ZNF827: variants seen among roughly 807,000 people sequenced by gnomAD.
The protein encoded by ZNF827 is zinc finger protein 827.
Under a neutral mutation model 102.4 loss-of-function variants are expected in ZNF827, and 13 were observed. The ratio of observed to expected loss-of-function variants is 0.13; its 90% CI spans 0.08 to 0.20. ZNF827 has a LOEUF of 0.20. Ranked by LOEUF, ZNF827 falls within the 10% of genes least tolerant of loss-of-function variation. The probability of loss-of-function intolerance (pLI) is 1.00; values close to 1 mark genes in which losing one functional copy is unlikely to be tolerated. For synonymous variants in ZNF827, 523 were observed against 536.2 expected (o/e 0.98, Z 0.34); for missense variants, 1,103 against 1,344.4 (o/e 0.82, Z 2.81).
chr4:145,870,195 C>T (rs765094932), intron 5 of ZNF827, 50 bp downstream of exon 5: 1 of 1,566,164 alleles, frequency 6.4e-7, no homozygotes, highest in Non-Finnish European at 8.8e-7. Flanking sequence ...GTCCAGTTGG[C>T]CTGCAAGTGA....
At position 145,884,307 on chromosome 4, in the gene ZNF827, A is replaced by G. The variant is rs572256387; in HGVS notation, c.1747+1371T>C. On this transcript the variant is annotated intron_variant, in intron 4 of 14. Coordinates refer to ENST00000508784, the MANE Select transcript of ZNF827 (RefSeq NM_001306215.2). The stretch of plus-strand genomic sequence containing the variant: ...ATCTGTGGTAAGGGGGACATTCCAA[A>G]AGACCCGACTGAAGTGTCCCTGAGC... 1.5e-4 allele frequency among the ~76,000 whole-genome samples: 23 copies of G among 152,296 alleles called. No individual in the cohort carries two copies. In the South Asian group the frequency reaches 4.6e-3, roughly 30 times the overall value.
At chr4:145,827,884 C>T (rs1002957513) in intron 7 of ZNF827, among the ~76,000 whole-genome samples, 16 of 152,302 alleles carry the variant, frequency 1.1e-4, no homozygotes, top group African/African-American at 3.6e-4. Context: ...AATCATATTC[C>T]GTAAGTTCTT....
chr4:145,907,923 A>G (rs1751996840), intron 1 of ZNF827, among the ~76,000 whole-genome samples: 1 of 152,220 alleles, frequency 6.6e-6, no homozygotes, highest in African/African-American at 2.4e-5. Context: ...CATGTGGCGA[A>G]TATTTCTCCT....
chr4:145,766,867 C>A (rs1420595469), intron 11 of ZNF827, among the ~76,000 whole-genome samples: 1 of 152,078 alleles, frequency 6.6e-6, no homozygotes, highest in Non-Finnish European at 1.5e-5. Context: ...TGGGTTAAAC[C>A]TAGATAAATC....
At chr4:145,861,021 C>T (rs1747674966) in intron 5 of ZNF827, among the ~76,000 whole-genome samples, 1 of 152,208 alleles carries the variant, frequency 6.6e-6, no homozygotes, top group Non-Finnish European at 1.5e-5. Context: ...CGCAGTAGAG[C>T]CCTTGCCCAG....
chr4:145,858,025 A>T (rs553369743), intron 5 of ZNF827, among the ~76,000 whole-genome samples: 1 of 152,310 alleles, frequency 6.6e-6, no homozygotes, highest in African/African-American at 2.4e-5. Flanking sequence ...TAACATTATT[A>T]TCCTTTGCCA....
chr4:145,795,044 A>G (rs1242842485), intron 8 of ZNF827, among the ~76,000 whole-genome samples: 1 of 152,252 alleles, frequency 6.6e-6, no homozygotes, highest in African/African-American at 2.4e-5. Context: ...AGTGGCTGGC[A>G]GACAGCAGGT....
At chr4:145,917,279 C>T (rs114577965) in intron 1 of ZNF827, among the ~76,000 whole-genome samples, 60 of 152,296 alleles carry the variant, frequency 3.9e-4, no homozygotes, top group African/African-American at 1.3e-3. Context: ...AAAACACGCA[C>T]GACCAGATAA....
chr4:145,813,398 G>A (rs1034579729), intron 8 of ZNF827, among the ~76,000 whole-genome samples: 2 of 152,062 alleles, frequency 1.3e-5, no homozygotes, highest in East Asian at 3.8e-4. Context: ...ATCTCTTGCT[G>A]TGCCTAATTT....
intron 8 of ZNF827, among the ~76,000 whole-genome samples, chr4:145,800,002 C>CT (rs900381595): frequency 1.5e-4 from 19 of 127,994 alleles, no homozygotes; most frequent in Admixed American, 5.5e-4. Context: ...CTATTTTGGC[C>CT]TTTTTTTTAC....
At chr4:145,930,854 C>T (rs114118905) in intron 1 of ZNF827, among the ~76,000 whole-genome samples, 3,159 of 151,824 alleles carry the variant, frequency 0.021, 90 homozygotes, top group African/African-American at 0.073. Flanking sequence ...TGTGTGTGTG[C>T]GCGCGCATGT....
At chr4:145,805,929 A>G (rs1392558706) in intron 8 of ZNF827, among the ~76,000 whole-genome samples, 1 of 151,206 alleles carries the variant, frequency 6.6e-6, no homozygotes, top group African/African-American at 2.4e-5. Context: ...TCTTTTCCTG[A>G]CCATTCTACC....
intron 2 of ZNF827, among the ~76,000 whole-genome samples, chr4:145,899,392 T>C (rs1751235285): frequency 6.6e-6 from 1 of 152,120 alleles, no homozygotes; most frequent in African/African-American, 2.4e-5. Flanking sequence ...ACTCCTCAGA[T>C]GCCAAAATCA....
rs914548973 is a variant in ZNF827 at position 145,761,135 on chromosome 4, C to T, written c.*481G>A. 7.0e-6 allele frequency: 9 copies of T among 1,289,544 alleles called. No homozygotes were observed. Among genetic ancestry groups the T allele is most frequent in the Admixed American group, 6.9e-5 (3 of 43,548 alleles). The allele number at this position is 1,289,544 out of a possible 1,614,324, so 79.9% of individuals were successfully genotyped here. A position where few individuals can be genotyped will look rare whatever the true frequency, so the allele number is the denominator to read the frequency against. ...ACCACCAGGAGCGGGGCCCCCGGGC[C>T]GGCCGGTTCCTTGGGGGCTGGACAC... is the stretch of plus-strand genomic sequence containing the variant. On this transcript the variant is annotated 3_prime_UTR_variant, in exon 15 of 15. Transcript: ENST00000508784. This position sits in a 1 kb window ranked among gnomAD's most constrained non-coding sequence, Gnocchi z 6.8.
At chr4:145,864,583 G>C (rs749764039) in intron 5 of ZNF827, among the ~76,000 whole-genome samples, 1 of 151,866 alleles carries the variant, frequency 6.6e-6, no homozygotes, top group Non-Finnish European at 1.5e-5. Flanking sequence ...GACTGAGCAA[G>C]ACCCTGTCTC....
At chr4:145,834,616 C>T (rs1242840440) in intron 7 of ZNF827, among the ~76,000 whole-genome samples, 1 of 151,702 alleles carries the variant, frequency 6.6e-6, no homozygotes, top group African/African-American at 2.4e-5. Context: ...AAGGTTAATG[C>T]TCCTTTTTCT....
chr4:145,882,424 GT>G (rs1749747685), intron 4 of ZNF827, among the ~76,000 whole-genome samples: 1 of 152,200 alleles, frequency 6.6e-6, no homozygotes, highest in South Asian at 2.1e-4. Flanking sequence ...ACCAAGCAGT[GT>G]TAAGTGTGGG....
chr4:145,791,764 C>T (rs900046267), intron 8 of ZNF827, among the ~76,000 whole-genome samples: 8 of 152,264 alleles, frequency 5.3e-5, no homozygotes, highest in African/African-American at 1.9e-4. Context: ...ACAGGTTTTA[C>T]TTATATAATT....
At chr4:145,774,120 A>G (rs1736678951) in intron 11 of ZNF827, among the ~76,000 whole-genome samples, 1 of 152,188 alleles carries the variant, frequency 6.6e-6, no homozygotes, top group African/African-American at 2.4e-5. Context: ...TGTACTGTAC[A>G]GTGTGATAAT....
Sources: gnomAD v4.1 joint callset for allele counts (sites outside exome capture counted in the v4.1 genomes callset) on GRCh38, gnomAD v4.1.1 for gene constraint, Gnocchi (gnomAD v3.1) non-coding constraint, MANE v1.5 for transcripts, NCBI Gene and HGNC (gene_info 2026-07-23, HGNC 2026-07-21) for gene names.